Variants in KDM2A observed in about 807,000 individuals in gnomAD.
KDM2A encodes the protein lysine demethylase 2A.
KDM2A carries 3 observed loss-of-function variants against 137.3 expected under a neutral mutation model. That is an observed-to-expected ratio of 0.02 (90% CI 0.01 to 0.06). The LOEUF (loss-of-function observed/expected upper bound fraction) is 0.06, where lower values mean the gene tolerates loss of function less well. Among genes scored for constraint, KDM2A ranks in the 10% least tolerant of loss-of-function variants. The pLI, the probability that KDM2A is intolerant of heterozygous loss-of-function variation, is 1.00. For synonymous variants in KDM2A, 512 were observed against 541.5 expected, an observed-to-expected ratio of 0.95 and a Z score of 0.76; for missense variants, 738 against 1,510.6, an observed-to-expected ratio of 0.49 and a Z score of 8.48.
chr11:67,156,297 A>G (rs1365998357), intron 2 of KDM2A, among the ~76,000 whole-genome samples: 1 of 151,342 alleles, frequency 6.6e-6, no homozygotes, highest in Non-Finnish European at 1.5e-5. Flanking sequence ...AACATATGAA[A>G]GTATTGGCTG....
At chr11:67,247,196 TCTC>T (rs1287723683) in intron 15 of KDM2A, among the ~76,000 whole-genome samples, 5 of 146,438 alleles carry the variant, frequency 3.4e-5, no homozygotes, top group Non-Finnish European at 7.5e-5. Flanking sequence ...TTCAAGTGAT[TCTC>T]CTGCCTCAGC....
At chr11:67,149,078 T>A (rs188579536) in intron 2 of KDM2A, 2 of 152,182 alleles carry the variant, frequency 1.3e-5, no homozygotes, top group African/African-American at 4.8e-5. Flanking sequence ...AAAAAGCAGA[T>A]TTTTTTCCCC....
chr11:67,231,671 C>T lies in KDM2A; in HGVS notation c.1190C>T (p.Ala397Val). Residue 397 changes from alanine (A) to valine (V), a missense_variant, in exon 12 of 21, where the codon GCG (alanine) becomes GTG (valine). By Grantham distance (64) the Ala-to-Val change is moderately conservative (BLOSUM62 0). Around this residue, in one of 9 missense-constraint regions of KDM2A, gnomAD observed 113 missense variants for 133.5 expected, o/e 0.85. Transcript: ENST00000529006. ...SRRSVLTSPV[A>V]NGVNLDYDGL... is the part of the protein sequence containing the mutation. ...CGTTCTGTCCTCACTAGCCCTGTAG[C>T]GAATGGAGTCAACCTGGATTATGAT... 3.1e-6 allele frequency: 5 copies of T among 1,613,808 alleles called. No homozygotes were observed. Among genetic ancestry groups the T allele is most frequent in the South Asian group, 1.1e-5 (1 of 91,060 alleles).
chr11:67,172,210 G>T (rs1449954423), intron 2 of KDM2A, among the ~76,000 whole-genome samples: 1 of 152,040 alleles, frequency 6.6e-6, no homozygotes, highest in Non-Finnish European at 1.5e-5. Flanking sequence ...GGATTCAAGT[G>T]ATCCTCCTAG....
chr11:67,184,097 C>T (rs375519813), intron 5 of KDM2A, among the ~76,000 whole-genome samples: 4 of 66,194 alleles, frequency 6.0e-5, no homozygotes, highest in African/African-American at 1.8e-4. Context: ...GACCCTGTCT[C>T]AAAAAAAAAA....
chr11:67,197,825 A>G (rs561383179), intron 5 of KDM2A, among the ~76,000 whole-genome samples: 7 of 152,328 alleles, frequency 4.6e-5, no homozygotes, highest in African/African-American at 1.4e-4. Context: ...TGCAACGGCT[A>G]GAGGCACCAA....
intron 9 of KDM2A, among the ~76,000 whole-genome samples, chr11:67,218,993 G>A (rs1858252301): frequency 6.6e-6 from 1 of 152,204 alleles, no homozygotes; most frequent in African/African-American, 2.4e-5. Context: ...CCCCTGAATT[G>A]TAAACTATCT....
chr11:67,213,527 G>A (rs1176144698), intron 6 of KDM2A, among the ~76,000 whole-genome samples: 2 of 152,114 alleles, frequency 1.3e-5, no homozygotes, highest in Non-Finnish European at 2.9e-5. Context: ...TGGGGCTGAG[G>A]CTGGTGGATT....
At chr11:67,216,014 T>C in intron 8 of KDM2A, 65 bp downstream of exon 8, 1 of 1,158,824 alleles carries the variant, frequency 8.6e-7, no homozygotes, top group South Asian at 1.2e-5. Context: ...CTTCAGTTCA[T>C]GTATACTTAA....
At chr11:67,135,541 T>A (rs1316576406) in intron 2 of KDM2A, among the ~76,000 whole-genome samples, 1 of 152,218 alleles carries the variant, frequency 6.6e-6, no homozygotes, top group African/African-American at 2.4e-5. Flanking sequence ...TCTCTTTAGA[T>A]CCTGGATCAC....
chr11:67,240,039 C>T, intron 12 of KDM2A: 1 of 1,307,298 alleles, frequency 7.6e-7, no homozygotes, highest in Non-Finnish European at 9.7e-7. Flanking sequence ...CCCCTCCTGC[C>T]ATCTTCCGTT....
At chr11:67,145,869 A>G (rs1590720786) in intron 2 of KDM2A, among the ~76,000 whole-genome samples, 2 of 144,024 alleles carry the variant, frequency 1.4e-5, no homozygotes, top group South Asian at 4.3e-4. Flanking sequence ...TAAGTGTTAC[A>G]TCCTTTGGGA....
intron 2 of KDM2A, among the ~76,000 whole-genome samples, chr11:67,124,457 G>A (rs1214163926): frequency 6.6e-6 from 1 of 151,764 alleles, no homozygotes; most frequent in Non-Finnish European, 1.5e-5. Flanking sequence ...GATTACAGGC[G>A]CCTGCCACCA....
At chr11:67,198,883 A>G (rs1423067716) in intron 5 of KDM2A, among the ~76,000 whole-genome samples, 2 of 151,996 alleles carry the variant, frequency 1.3e-5, no homozygotes, top group Non-Finnish European at 1.5e-5. Context: ...GATTCAAGCA[A>G]TTCTCATGCC....
chr11:67,182,693 C>T (rs866782304), intron 5 of KDM2A, among the ~76,000 whole-genome samples: 7 of 151,986 alleles, frequency 4.6e-5, no homozygotes, highest in Non-Finnish European at 4.4e-5. Flanking sequence ...CCACCAGGCC[C>T]GGCTAATTTT....
Position 67,132,078 on chromosome 11 carries a change from G to A in KDM2A, c.42+10720G>A, listed in dbSNP as rs1002684140. 8 of 152,218 alleles carry A rather than the reference G, an allele frequency of 5.3e-5. 1 individual carries two copies. Among genetic ancestry groups the A allele is most frequent in the Admixed American group, 4.6e-4 (7 of 15,272 alleles). The allele number at this position is 152,218 out of a possible 1,614,324, so 9.4% of individuals were successfully genotyped here. ...ATTGGTGAAGGCCTCCTTCAGGTAG[G>A]TAGAGAGGAGGAGGGAAGAGGGTGG... On this transcript the variant is annotated intron_variant, in intron 2 of 20. Coordinates refer to ENST00000529006, the MANE Select transcript of KDM2A (RefSeq NM_012308.3).
chr11:67,202,000 A>G (rs564022968), intron 5 of KDM2A, among the ~76,000 whole-genome samples: 15 of 152,076 alleles, frequency 9.9e-5, no homozygotes, highest in African/African-American at 2.7e-4. Context: ...GGTACATGGG[A>G]GGAGGTCAAA....
Position 67,255,185 on chromosome 11 carries a change from G to GC in KDM2A, c.*133dup. On this transcript the variant is annotated 3_prime_UTR_variant, in exon 21 of 21. Coordinates refer to ENST00000529006, the MANE Select transcript of KDM2A (RefSeq NM_012308.3). The stretch of plus-strand genomic sequence containing the variant: ...CCCTCTCTGCTCTCCTGTCCCTTGA[G>GC]CCCTTCCTCTACAGGTGGGGCAGAG... The GC allele has an allele frequency of 1.3e-6, 1 of 799,686 alleles. No homozygotes were observed. The allele number at this position is 799,686 out of a possible 1,614,324, so 49.5% of individuals were successfully genotyped here.
rs1301024157 is a variant in KDM2A at position 67,126,772 on chromosome 11, G to T, written c.42+5414G>T. On this transcript the variant is annotated intron_variant, in intron 2 of 20. Transcript: ENST00000529006. The stretch of plus-strand genomic sequence containing the variant: ...TTATTTACCTATTACGTGTGGAAAA[G>T]AAATGCACCTTTGAAGATGGTGTGT... 2.6e-5 allele frequency among the ~76,000 whole-genome samples: 4 copies of T among 151,328 alleles called. No homozygotes were observed. The East Asian group carries it at 5.8e-4, about 22-fold the overall frequency.
Sources: allele counts gnomAD v4.1 joint callset (sites outside exome capture counted in the v4.1 genomes callset), GRCh38; gene constraint gnomAD v4.1.1; regional missense constraint gnomAD v4.1.1; transcripts MANE v1.5; gene names NCBI Gene and HGNC (gene_info 2026-07-23, HGNC 2026-07-21).